CLVS1: variants seen among roughly 807,000 people sequenced by gnomAD.
The protein encoded by CLVS1 is clavesin-1.
A neutral mutation model predicts 33.1 loss-of-function variants in CLVS1; 10 were observed. The observed-to-expected ratio is 0.30, with a 90% CI of 0.19 to 0.51. The LOEUF (loss-of-function observed/expected upper bound fraction) is 0.51. Among genes scored for constraint, CLVS1 ranks in the 20% least tolerant of loss-of-function variants. The probability of loss-of-function intolerance (pLI) is 0.97; values close to 1 mark genes in which losing one functional copy is unlikely to be tolerated. For synonymous variants in CLVS1, 163 were observed against 166.1 expected, an observed-to-expected ratio of 0.98 and a Z score of 0.14; for missense variants, 343 against 433.4, an observed-to-expected ratio of 0.79 and a Z score of 1.85.
At chr8:61,483,259 T>C (rs1200319308) in intron 5 of CLVS1, among the ~76,000 whole-genome samples, 1 of 152,018 alleles carries the variant, frequency 6.6e-6, no homozygotes, top group Non-Finnish European at 1.5e-5. Context: ...ACAAAAAGGA[T>C]ATCACCACCA....
At chr8:61,182,892 C>CAAA (rs1807267586) in intron 2 of CLVS1, among the ~76,000 whole-genome samples, 1 of 55,854 alleles carries the variant, frequency 1.8e-5, no homozygotes, top group African/African-American at 3.9e-5. Context: ...GACATGGAAC[C>CAAA]AACCCTAATG....
intron 2 of CLVS1, among the ~76,000 whole-genome samples, chr8:61,259,346 C>T (rs1183620481): frequency 5.9e-5 from 9 of 152,210 alleles, no homozygotes; most frequent in East Asian, 3.9e-4. Context: ...TACATTCACT[C>T]GTATATAAGC....
chr8:61,055,249 T>C (rs952782482), upstream of CLVS1, among the ~76,000 whole-genome samples: 10 of 152,224 alleles, frequency 6.6e-5, no homozygotes, highest in African/African-American at 2.4e-4. Flanking sequence ...GAATTTAAAG[T>C]GTTTAAGAGA....
chr8:61,478,679 C>T (rs185159003), intron 5 of CLVS1, among the ~76,000 whole-genome samples: 86 of 152,250 alleles, frequency 5.6e-4, no homozygotes, highest in African/African-American at 1.6e-3. Flanking sequence ...AGTAGATCTT[C>T]CTCCAGCCCT....
upstream of CLVS1, among the ~76,000 whole-genome samples, chr8:61,056,382 G>C (rs1804473670): frequency 6.6e-6 from 1 of 151,938 alleles, no homozygotes; most frequent in South Asian, 2.1e-4. Flanking sequence ...TTAACATCTT[G>C]GTCTCCAATA....
chr8:61,461,764 G>A (rs1563563667), intron 5 of CLVS1, among the ~76,000 whole-genome samples: 1 of 152,116 alleles, frequency 6.6e-6, no homozygotes, highest in Non-Finnish European at 1.5e-5. Context: ...TAGTTGGTGG[G>A]TATGTGCCTT....
At chr8:61,077,213 A>G (rs567825461) in intron 1 of CLVS1, among the ~76,000 whole-genome samples, 29 of 151,554 alleles carry the variant, frequency 1.9e-4, no homozygotes, top group African/African-American at 6.8e-4. Context: ...AGCTGGGACT[A>G]CAGGCGCCTG....
At chr8:61,292,719 A>G (rs1394296121) in intron 1 of CLVS1, among the ~76,000 whole-genome samples, 1 of 152,126 alleles carries the variant, frequency 6.6e-6, no homozygotes, top group Non-Finnish European at 1.5e-5. Context: ...CTCAACAATT[A>G]TTTCCCTATA....
At chr8:61,287,822 G>A (rs944809300), upstream of CLVS1, 18 of 333,860 alleles carry the variant, frequency 5.4e-5, no homozygotes, top group African/African-American at 3.5e-4. Flanking sequence ...GAGTGATGAC[G>A]CTGGTACTTT....
chr8:61,382,963 T>C (rs1426851033), intron 3 of CLVS1, among the ~76,000 whole-genome samples: 1 of 152,212 alleles, frequency 6.6e-6, no homozygotes, highest in Admixed American at 6.5e-5. Flanking sequence ...GCAACATGCC[T>C]GGTAGACAGC....
At chr8:61,343,674 C>T (rs1300799389) in intron 2 of CLVS1, among the ~76,000 whole-genome samples, 1 of 152,152 alleles carries the variant, frequency 6.6e-6, no homozygotes, top group African/African-American at 2.4e-5. Flanking sequence ...AGGACTGGGT[C>T]TTGGAGCCAG....
the CLVS1 span, among the ~76,000 whole-genome samples, chr8:60,972,958 C>T: frequency 1.6e-4 from 24 of 152,202 alleles, no homozygotes; most frequent in African/African-American, 5.5e-4. Flanking sequence ...CCATTGGGTT[C>T]TGACTTCCAG....
At chr8:61,244,761 T>A (rs1485285492) in intron 2 of CLVS1, among the ~76,000 whole-genome samples, 1 of 152,186 alleles carries the variant, frequency 6.6e-6, no homozygotes, top group Non-Finnish European at 1.5e-5. Flanking sequence ...GGGAACTCTG[T>A]ATTTTCTGCT....
At chr8:61,011,748 A>G in the CLVS1 span, among the ~76,000 whole-genome samples, 19 of 152,238 alleles carry the variant, frequency 1.2e-4, no homozygotes, top group African/African-American at 4.3e-4. Context: ...TGCCCAGCCC[A>G]TGTCTCAGTT....
chr8:61,412,708 G>C (rs762294663), intron 3 of CLVS1, among the ~76,000 whole-genome samples: 4 of 152,204 alleles, frequency 2.6e-5, no homozygotes, highest in Non-Finnish European at 5.9e-5. Flanking sequence ...CGTGTTCCAG[G>C]AACAACAGGA....
chr8:61,494,705 C>A (rs1264436315), intron 5 of CLVS1, among the ~76,000 whole-genome samples: 2 of 152,114 alleles, frequency 1.3e-5, no homozygotes, highest in Non-Finnish European at 2.9e-5. Flanking sequence ...TTTGAATCAG[C>A]CAAATATACT....
chr8:61,065,652 T>A (rs1012762925), intron 1 of CLVS1, among the ~76,000 whole-genome samples: 1 of 152,242 alleles, frequency 6.6e-6, no homozygotes, highest in Non-Finnish European at 1.5e-5. Flanking sequence ...TTTGTCTTAT[T>A]TTAACTAGAG....
At chr8:61,059,475 C>CATACATATATATATAT (rs59538219) in intron 1 of CLVS1, among the ~76,000 whole-genome samples, 37 of 50,188 alleles carry the variant, frequency 7.4e-4, no homozygotes, top group African/African-American at 2.0e-3. Context: ...TACATACATA[C>CATACATATATATATAT]ATATATATAT....
chr8:61,074,009 CAAAA>C (rs35959369), intron 1 of CLVS1, among the ~76,000 whole-genome samples: 2 of 70,382 alleles, frequency 2.8e-5, no homozygotes, highest in African/African-American at 4.9e-5. Flanking sequence ...GACTCCGTCT[CAAAA>C]AAAAAAAAAA....
Sources: gnomAD v4.1 joint callset for allele counts (sites outside exome capture counted in the v4.1 genomes callset) on GRCh38, gnomAD v4.1.1 for gene constraint, MANE v1.5 for transcripts, NCBI Gene and HGNC (gene_info 2026-07-23, HGNC 2026-07-21) for gene names.